The following EVL variants were observed in gnomAD, a reference collection of about 807,000 sequenced individuals.
EVL encodes Enah/Vasp-like, also known as ena/VASP-like protein.
EVL carries 21 observed loss-of-function variants against 59.6 expected under a neutral mutation model. The ratio of observed to expected loss-of-function variants is 0.35; its 90% CI spans 0.25 to 0.51. EVL has a LOEUF of 0.51. Ranked by LOEUF, EVL falls within the 20% of genes least tolerant of loss-of-function variation. The pLI, the probability that EVL is intolerant of heterozygous loss-of-function variation, is 0.97. For synonymous variants in EVL, 198 were observed against 203.5 expected (o/e 0.97, Z 0.23); for missense variants, 462 against 546.6 (o/e 0.85, Z 1.54).
At chr14:100,020,516 C>T (rs2061105150) in intron 1 of EVL, among the ~76,000 whole-genome samples, 1 of 152,030 alleles carries the variant, frequency 6.6e-6, no homozygotes, top group African/African-American at 2.4e-5. Flanking sequence ...GAAAGCTTCT[C>T]ATTTTTCAAA....
chr14:100,129,542 CG>C lies in EVL; in HGVS notation c.718-20del, dbSNP rs1566723186. ...CTGCCATCAGCAGCAGAATCTAAAACGCGGCCTCCTTTTTCCTCAGCCAGAA... is the reference window on the plus strand; with the variant it reads ...CTGCCATCAGCAGCAGAATCTAAAACCGGCCTCCTTTTTCCTCAGCCAGAA... On this transcript the variant is annotated intron_variant, in intron 6 of 13. Transcript: ENST00000392920. The C allele has an allele frequency of 6.2e-7, 1 of 1,612,788 alleles. No individual in the cohort carries two copies. Among genetic ancestry groups the C allele is most frequent in the East Asian group, 2.2e-5 (1 of 44,860 alleles).
chr14:100,137,486 G>C, intron 9 of EVL, 92 bp from the exon 10 acceptor site: 1 of 1,383,566 alleles, frequency 7.2e-7, no homozygotes, highest in Non-Finnish European at 1.0e-6. Flanking sequence ...CTTGGCATGG[G>C]TGAGGGCTTC....
chr14:100,037,921 A>G (rs1317322542), intron 1 of EVL, among the ~76,000 whole-genome samples: 1 of 152,230 alleles, frequency 6.6e-6, no homozygotes, highest in Non-Finnish European at 1.5e-5. Flanking sequence ...CTGTATTAAC[A>G]ATATGTCATT....
upstream of EVL, among the ~76,000 whole-genome samples, chr14:100,061,231 A>C (rs540207946): frequency 1.4e-4 from 22 of 151,878 alleles, no homozygotes; most frequent in African/African-American, 4.6e-4. Context: ...CTCTACAAAA[A>C]ATACAAAAAT....
chr14:100,103,194 T>C (rs1886342306), intron 3 of EVL, among the ~76,000 whole-genome samples: 1 of 151,472 alleles, frequency 6.6e-6, no homozygotes, highest in South Asian at 2.1e-4. Flanking sequence ...GAGAGTTTTT[T>C]TTTTTTTTTG....
At position 100,050,911 on chromosome 14, in the gene EVL, T is replaced by TA. The variant is rs756789265; in HGVS notation, c.6-33761dup. On this transcript the variant is annotated intron_variant, in intron 1 of 13. Coordinates refer to the EVL transcript ENST00000402714. ...GCAGACACCAGCACGCCCAGCTAAT[T>TA]AAAAAAAAAAAAAAATTAAGAGATG... Among the ~76,000 whole-genome samples the TA allele has an allele frequency of 4.4e-3, 601 of 136,112 alleles. 3 individuals carry two copies. Among genetic ancestry groups the TA allele is most frequent in the African/African-American group, 1.0e-2 (370 of 37,078 alleles). 89.3% of individuals were successfully genotyped at this position (136,112 alleles called of 152,430 possible). A position where few individuals can be genotyped will look rare whatever the true frequency, so the allele number is the denominator to read the frequency against.
At position 100,124,288 on chromosome 14, in the gene EVL, G is replaced by A. The variant is rs761572531; in HGVS notation, c.422+686G>A. Among the ~76,000 whole-genome samples, 164 of 152,196 alleles carry A rather than the reference G, an allele frequency of 1.1e-3. 1 individual carries two copies. The highest frequency in any genetic ancestry group is 1.8e-3 in the Non-Finnish European group (123 of 68,030). On this transcript the variant is annotated intron_variant, in intron 4 of 13. Coordinates refer to ENST00000392920, the MANE Select transcript of EVL (RefSeq NM_016337.3). Reference sequence around the variant, plus strand: ...GGGAGTCAAGCTGCAGCTCTCTGTGGCTACACTTATGTCCAGCCCTGGACT... The same window carrying A: ...GGGAGTCAAGCTGCAGCTCTCTGTGACTACACTTATGTCCAGCCCTGGACT...
At chr14:100,071,596 G>A (rs893054026) in intron 1 of EVL, among the ~76,000 whole-genome samples, 3 of 152,166 alleles carry the variant, frequency 2.0e-5, no homozygotes, top group African/African-American at 7.2e-5. Flanking sequence ...TAAAACAGAA[G>A]CTTTTTGGCA....
chr14:100,135,641 C>T, intron 8 of EVL: 1 of 410,706 alleles, frequency 2.4e-6, no homozygotes, highest in Non-Finnish European at 4.5e-6. Context: ...GTGTTGAGGG[C>T]CAGAAGGAAG....
chr14:99,981,662 G>A (rs2060807115), intron 1 of EVL, among the ~76,000 whole-genome samples: 1 of 152,128 alleles, frequency 6.6e-6, no homozygotes, highest in Non-Finnish European at 1.5e-5. Flanking sequence ...GTTTCCAAGT[G>A]CATATAGAAG....
chr14:100,067,577 G>A (rs545926386), intron 1 of EVL, among the ~76,000 whole-genome samples: 72 of 152,270 alleles, frequency 4.7e-4, no homozygotes, highest in Non-Finnish European at 7.8e-4. Context: ...CTGCCTCAGC[G>A]GGACTACAGG....
intron 3 of EVL, among the ~76,000 whole-genome samples, chr14:100,105,167 T>C (rs1886485180): frequency 6.6e-6 from 1 of 152,126 alleles, no homozygotes. Flanking sequence ...GACACCTCTT[T>C]GGTACCAGCA....
intron 3 of EVL, among the ~76,000 whole-genome samples, chr14:100,120,340 G>T (rs920784250): frequency 7.9e-5 from 12 of 152,248 alleles, no homozygotes; most frequent in Non-Finnish European, 1.6e-4. Context: ...CTAAGTGTCT[G>T]ATGCGAGCCA....
rs567024891 is a variant in EVL, at chr14:100,109,149, T to C, written c.358+11491T>C. 4.6e-5 allele frequency among the ~76,000 whole-genome samples: 7 copies of C among 152,346 alleles called. No homozygotes were observed. The South Asian group carries it at 1.0e-3, about 23-fold the overall frequency. Reference sequence around the variant, plus strand: ...TCCCATTTTCACCACCTGCACTGCATATTCTCACCGTCTCTCCCCTGACAC... The same window carrying C: ...TCCCATTTTCACCACCTGCACTGCACATTCTCACCGTCTCTCCCCTGACAC... On this transcript the variant is annotated intron_variant, in intron 3 of 13. Transcript: ENST00000392920. The surrounding 1 kb of genome is among the most constrained non-coding windows in gnomAD (Gnocchi z 4.3).
At position 99,972,135 on chromosome 14, in the gene EVL, C is replaced by T; in HGVS notation, c.5+78C>T. On this transcript the variant is annotated intron_variant, in intron 1 of 13. Coordinates refer to the EVL transcript ENST00000402714. This position sits in a 1 kb window ranked among gnomAD's most constrained non-coding sequence, Gnocchi z 4.4. ...GCTGGGCTGGGGGCCCGCGGTGCCC[C>T]CGAGGGCGGGAGGGGGGCTCCACGG... 1 of 311,438 alleles carries T rather than the reference C, an allele frequency of 3.2e-6. No homozygotes were observed. Among genetic ancestry groups the T allele is most frequent in the East Asian group, 4.6e-5 (1 of 21,602 alleles). 19.3% of individuals were successfully genotyped at this position (311,438 alleles called of 1,614,324 possible). A position where few individuals can be genotyped will look rare whatever the true frequency, so the allele number is the denominator to read the frequency against.
intron 1 of EVL, among the ~76,000 whole-genome samples, chr14:100,049,772 T>G (rs893356697): frequency 6.6e-6 from 1 of 152,286 alleles, no homozygotes; most frequent in African/African-American, 2.4e-5. Context: ...AAAAGTAGAT[T>G]CTACCCATTA....
chr14:99,988,500 G>A (rs1879574146), intron 1 of EVL, among the ~76,000 whole-genome samples: 1 of 152,162 alleles, frequency 6.6e-6, no homozygotes, highest in African/African-American at 2.4e-5. Context: ...GTAAAATGGT[G>A]CAGCTGCTTT....
intron 1 of EVL, among the ~76,000 whole-genome samples, chr14:100,056,211 CT>C (rs200427577): frequency 0.018 from 2,692 of 151,406 alleles, 37 homozygotes; most frequent in Non-Finnish European, 0.027. Context: ...GTCATTTCAT[CT>C]TTTTTTTAAT....
At chr14:100,034,034 T>G (rs144420863) in intron 1 of EVL, among the ~76,000 whole-genome samples, 183 of 151,768 alleles carry the variant, frequency 1.2e-3, no homozygotes, top group Middle Eastern at 0.01. Flanking sequence ...AAGACCAGCC[T>G]GGGCAACATG....
Sources: allele counts gnomAD v4.1 joint callset (sites outside exome capture counted in the v4.1 genomes callset), GRCh38; gene constraint gnomAD v4.1.1; non-coding constraint Gnocchi (gnomAD v3.1); transcripts MANE v1.5; gene names NCBI Gene and HGNC (gene_info 2026-07-23, HGNC 2026-07-21).